Variants in INSC observed in about 807,000 individuals in gnomAD.
INSC encodes INSC spindle orientation adaptor protein.
A neutral mutation model predicts 58.6 loss-of-function variants in INSC; 67 were observed. The observed-to-expected ratio is 1.14, with a 90% confidence interval of 0.94 to 1.40. The LOEUF (loss-of-function observed/expected upper bound fraction) is 1.40, where lower values mean the gene tolerates loss of function less well. Ranked by LOEUF, INSC falls within the 40% of genes most tolerant of loss-of-function variation. INSC has a pLI of 0.00. For synonymous variants in INSC, 262 were observed against 276.1 expected (o/e 0.95, Z 0.51); for missense variants, 714 against 692.0 (o/e 1.03, Z -0.36).
chr11:15,210,536 TG>T, intron 7 of INSC, among the ~76,000 whole-genome samples: 1 of 151,784 alleles, frequency 6.6e-6, no homozygotes, highest in East Asian at 1.9e-4. Context: ...TGTGTGTGTG[TG>T]TGTGTGTGTG....
intron 2 of INSC, among the ~76,000 whole-genome samples, chr11:15,163,667 C>T (rs1224744583): frequency 2.6e-5 from 4 of 152,172 alleles, no homozygotes; most frequent in Non-Finnish European, 4.4e-5. Flanking sequence ...GATCTTGGCT[C>T]ACTGCAACCT....
At chr11:15,112,987 G>A (rs753374768), upstream of INSC, among the ~76,000 whole-genome samples, 1 of 152,156 alleles carries the variant, frequency 6.6e-6, no homozygotes, top group East Asian at 1.9e-4. Flanking sequence ...TCACTAGAAA[G>A]TAGTAGAGGC....
At chr11:15,260,437 T>C in the INSC span, among the ~76,000 whole-genome samples, 1 of 152,216 alleles carries the variant, frequency 6.6e-6, no homozygotes, top group Non-Finnish European at 1.5e-5. Flanking sequence ...GGGGGTCATC[T>C]AGATCTGGAT....
chr11:15,256,040 G>A, the INSC span, among the ~76,000 whole-genome samples: 5 of 152,278 alleles, frequency 3.3e-5, no homozygotes, highest in East Asian at 9.6e-4. Context: ...AATAGACCCA[G>A]TTCTCACTTT....
chr11:15,225,725 A>T lies in INSC; in HGVS notation c.1067A>T (p.Asp356Val), dbSNP rs1202782644. Residue 356 changes from aspartate to valine, a missense_variant, in exon 9 of 13, where the codon GAC becomes GTC. Coordinates refer to ENST00000379556, the MANE Select transcript of INSC (RefSeq NM_001042536.3). ...SAALANITFFDTMACEMLLQL... is the reference protein window; with the variant it reads ...SAALANITFFVTMACEMLLQL... ...GCCCTTGCCAACATCACGTTCTTTG[A>T]CACAATGGCCTGCGAGATGCTCCTG... 10 of 1,613,970 alleles carry T rather than the reference A, an allele frequency of 6.2e-6. No homozygotes were observed. Among genetic ancestry groups the T allele is most frequent in the Non-Finnish European group, 8.5e-6 (10 of 1,180,020 alleles).
At chr11:15,257,509 G>A in the INSC span, among the ~76,000 whole-genome samples, 1 of 152,098 alleles carries the variant, frequency 6.6e-6, no homozygotes, top group Non-Finnish European at 1.5e-5. Flanking sequence ...ATGGTGTTAT[G>A]AGGTGAATTT....
At chr11:15,142,566 G>A (rs367645996) in intron 1 of INSC, among the ~76,000 whole-genome samples, 5 of 152,256 alleles carry the variant, frequency 3.3e-5, no homozygotes, top group East Asian at 1.9e-4. Flanking sequence ...TGTTTGTCCC[G>A]CTTCGGGGGA....
chr11:15,229,961 TATATATATATATATATATTATA>T (rs1851799777), intron 9 of INSC, among the ~76,000 whole-genome samples: 1 of 33,212 alleles, frequency 3.0e-5, no homozygotes, highest in Non-Finnish European at 5.4e-5. Context: ...TATATATATT[TATATATATATATATATATTATA>T]TATATATATA....
Position 15,178,343 on chromosome 11 carries a change from G to T in INSC, c.475G>T (p.Glu159Ter). The change falls in exon 5 of 13, where the codon GAG (glutamate) becomes TAG (stop). Residue 159 changes from glutamate to a stop codon, truncating the protein, a stop_gained. Transcript: ENST00000379556. LOFTEE classifies it high-confidence loss of function. ...CTTCAGGTGCCTTCAGGTTGAGAAT[G>T]AGCATGTCCTGAAGTCAATGAAGGC... ...VTERCLQVEN[E>*]HVLKSMKACV... is the part of the protein sequence containing the mutation. 6.2e-7 allele frequency: 1 copy of T among 1,613,994 alleles called. No individual in the cohort carries two copies. Among genetic ancestry groups the T allele is most frequent in the South Asian group, 1.1e-5 (1 of 91,078 alleles).
At chr11:15,150,186 G>A (rs1405468037) in intron 2 of INSC, among the ~76,000 whole-genome samples, 3 of 152,198 alleles carry the variant, frequency 2.0e-5, no homozygotes, top group African/African-American at 7.2e-5. Context: ...CCTGGATCTA[G>A]CAGCCTGTTA....
At chr11:15,181,030 G>A (rs1849759614) in intron 5 of INSC, among the ~76,000 whole-genome samples, 1 of 152,042 alleles carries the variant, frequency 6.6e-6, no homozygotes, top group South Asian at 2.1e-4. Flanking sequence ...ATTATACCAG[G>A]ATCTTACATT....
At chr11:15,186,715 C>G (rs1849981770) in intron 5 of INSC, among the ~76,000 whole-genome samples, 1 of 152,122 alleles carries the variant, frequency 6.6e-6, no homozygotes, top group African/African-American at 2.4e-5. Context: ...AGTCCTAATT[C>G]ATGCATTTTT....
At chr11:15,225,883 TA>T in intron 9 of INSC, 55 bp downstream of exon 9, 4 of 1,547,490 alleles carry the variant, frequency 2.6e-6, no homozygotes, top group Non-Finnish European at 3.5e-6. Flanking sequence ...AGACAGAAGT[TA>T]GGAGGCCAGC....
intron 2 of INSC, among the ~76,000 whole-genome samples, chr11:15,157,316 T>A (rs144546627): frequency 2.6e-5 from 4 of 152,348 alleles, no homozygotes; most frequent in Admixed American, 2.6e-4. Flanking sequence ...CTCCTGACTC[T>A]GGTGGTTTTC....
intron 1 of INSC, among the ~76,000 whole-genome samples, chr11:15,125,436 C>A (rs912837930): frequency 6.6e-6 from 1 of 152,122 alleles, no homozygotes; most frequent in African/African-American, 2.4e-5. Context: ...GCTATAGCTG[C>A]TATGAAAATA....
downstream of INSC, among the ~76,000 whole-genome samples, chr11:15,251,764 G>A (rs550032195): frequency 1.3e-5 from 2 of 152,030 alleles, no homozygotes; most frequent in Admixed American, 1.3e-4. Flanking sequence ...CAGCTGGTGG[G>A]ATGGTAAAAT....
At chr11:15,233,948 T>C (rs1269769775) in intron 9 of INSC, among the ~76,000 whole-genome samples, 1 of 152,196 alleles carries the variant, frequency 6.6e-6, no homozygotes, top group African/African-American at 2.4e-5. Flanking sequence ...ACGATGCCTC[T>C]TGGGGAACTT....
intron 11 of INSC, among the ~76,000 whole-genome samples, chr11:15,239,619 A>C (rs1225455176): frequency 6.6e-6 from 1 of 152,184 alleles, no homozygotes; most frequent in East Asian, 1.9e-4. Context: ...TGGATATGAC[A>C]TTGTCCTGAC....
At chr11:15,113,962 A>G (rs1029902433), upstream of INSC, among the ~76,000 whole-genome samples, 2 of 151,824 alleles carry the variant, frequency 1.3e-5, no homozygotes, top group South Asian at 2.1e-4. Flanking sequence ...TTTGCATGTG[A>G]GAGATTTAGG....
Sources: allele counts gnomAD v4.1 joint callset (sites outside exome capture counted in the v4.1 genomes callset), GRCh38; gene constraint gnomAD v4.1.1; transcripts MANE v1.5; gene names NCBI Gene and HGNC (gene_info 2026-07-23, HGNC 2026-07-21).